Variants in SEMA4D observed in about 807,000 individuals in gnomAD.
SEMA4D encodes semaphorin 4D.
A neutral mutation model predicts 74.8 loss-of-function variants in SEMA4D; 22 were observed. The ratio of observed to expected loss-of-function variants is 0.29; its 90% CI spans 0.21 to 0.42. The LOEUF (loss-of-function observed/expected upper bound fraction) is 0.42. SEMA4D is among the 10% of genes least tolerant of loss of function. SEMA4D has a pLI of 1.00. For missense variants in SEMA4D, 937 were observed against 1,118.4 expected (o/e 0.84, Z 2.31); for synonymous variants, 445 against 463.7 (o/e 0.96, Z 0.52).
intron 1 of SEMA4D, among the ~76,000 whole-genome samples, chr9:89,465,579 T>G (rs559617713): frequency 1.3e-5 from 2 of 152,344 alleles, no homozygotes; most frequent in South Asian, 4.1e-4. Flanking sequence ...CTAACTGCCA[T>G]GGAACTATTC....
Position 89,387,371 on chromosome 9 carries a change from G to A in SEMA4D, c.1330+15C>T, listed in dbSNP as rs1838762186. The A allele has an allele frequency of 3.1e-6, 5 of 1,591,770 alleles. No homozygotes were observed. The highest frequency in any genetic ancestry group is 1.7e-5 in the Admixed American group (1 of 58,806). ...GTGCTGTCACTGTCAAGCCTGCCAA[G>A]CCCTCGGAACCCACCTGTGCTGACA... On this transcript the variant is annotated intron_variant, in intron 12 of 15. Coordinates refer to ENST00000422704, the MANE Select transcript of SEMA4D (RefSeq NM_001371194.2).
chr9:89,386,636 AG>A, intron 12 of SEMA4D, 154 bp from the exon 13 acceptor site: 1 of 582,538 alleles, frequency 1.7e-6, no homozygotes, highest in South Asian at 2.1e-5. Context: ...AAACAAAAAA[AG>A]GAAAAGGCTT....
At chr9:89,363,378 GC>G (rs1833053756) in intron 18 of SEMA4D, 11 of 1,596,242 alleles carry the variant, frequency 6.9e-6, no homozygotes, top group Admixed American at 1.7e-5. Flanking sequence ...TGTGGCAGGT[GC>G]CCTGCCCCTG....
intron 4 of SEMA4D, among the ~76,000 whole-genome samples, chr9:89,401,116 A>G (rs1411709546): frequency 7.9e-5 from 12 of 151,944 alleles, no homozygotes; most frequent in Admixed American, 2.0e-4. Context: ...CTGCAGTGGC[A>G]TGATCTCAGC....
intron 1 of SEMA4D, among the ~76,000 whole-genome samples, chr9:89,471,955 C>G (rs1165843506): frequency 6.6e-6 from 1 of 152,052 alleles, no homozygotes; most frequent in East Asian, 1.9e-4. Flanking sequence ...CACACCAACT[C>G]AGGTGCATAT....
chr9:89,385,329 G>C, intron 13 of SEMA4D: 7 of 985,374 alleles, frequency 7.1e-6, no homozygotes, highest in Non-Finnish European at 8.4e-6. Flanking sequence ...ACATTTTAGA[G>C]ATGTTGTAGG....
intron 8 of SEMA4D, among the ~76,000 whole-genome samples, chr9:89,392,138 A>C (rs1449100535): frequency 6.6e-6 from 1 of 152,218 alleles, no homozygotes; most frequent in East Asian, 1.9e-4. Flanking sequence ...GTCTTAGTTT[A>C]CCATCTACTA....
intron 13 of SEMA4D, among the ~76,000 whole-genome samples, chr9:89,382,684 G>A (rs928369455): frequency 3.9e-5 from 6 of 152,226 alleles, no homozygotes; most frequent in African/African-American, 1.4e-4. Flanking sequence ...CGGGCATCGC[G>A]CGGCTTGTGG....
At chr9:89,368,425 G>C (rs1588084394) in intron 16 of SEMA4D, 1 of 152,998 alleles carries the variant, frequency 6.5e-6, no homozygotes, top group Admixed American at 6.5e-5. Context: ...GCCCATCTCT[G>C]TGCTCTCTCC....
At chr9:89,427,631 C>A (rs570851776) in intron 2 of SEMA4D, among the ~76,000 whole-genome samples, 16 of 152,224 alleles carry the variant, frequency 1.1e-4, no homozygotes, top group South Asian at 6.2e-4. Flanking sequence ...CTCCACCCCC[C>A]GGTCAGCAGC....
At chr9:89,454,661 T>C (rs1855500242) in intron 2 of SEMA4D, among the ~76,000 whole-genome samples, 1 of 152,014 alleles carries the variant, frequency 6.6e-6, no homozygotes, top group Non-Finnish European at 1.5e-5. Context: ...CCAGTGAGAG[T>C]GTCAAACCGC....
intron 2 of SEMA4D, chr9:89,450,686 A>AAAAAAAAAAAAAAAAAAAACC: frequency 1.1e-6 from 1 of 945,104 alleles, no homozygotes; most frequent in Non-Finnish European, 1.6e-6. Flanking sequence ...AAAAAAAAAA[A>AAAAAAAAAAAAAAAAAAAACC]AGGCCTCCAA....
intron 2 of SEMA4D, among the ~76,000 whole-genome samples, chr9:89,435,638 C>G (rs550779632): frequency 6.2e-4 from 94 of 152,322 alleles, no homozygotes; most frequent in African/African-American, 2.2e-3. Context: ...CCACCCAGGT[C>G]TCTGTGTCAG....
rs141544963 is a variant in SEMA4D, at chr9:89,404,290, G to A, written c.106+1061C>T. 8.5e-3 allele frequency among the ~76,000 whole-genome samples: 1,295 copies of A among 152,362 alleles called. 14 individuals are homozygous for A. Among genetic ancestry groups the A allele is most frequent in the African/African-American group, 0.029 (1,206 of 41,574 alleles). ...GGAGCAGACGCTCAGTGGGGCGGGT[G>A]CTTTGGCAGCACGCCGCGAACATTA... On this transcript the variant is annotated intron_variant, in intron 3 of 15. Coordinates refer to ENST00000422704, the MANE Select transcript of SEMA4D (RefSeq NM_001371194.2).
intron 1 of SEMA4D, among the ~76,000 whole-genome samples, chr9:89,458,120 C>A (rs73488260): frequency 3.8e-4 from 58 of 152,294 alleles, no homozygotes; most frequent in African/African-American, 1.2e-3. Flanking sequence ...AATAAAAAGG[C>A]AGGCTGTGGA....
At chr9:89,438,361 C>G (rs1194140294) in intron 2 of SEMA4D, among the ~76,000 whole-genome samples, 1 of 152,226 alleles carries the variant, frequency 6.6e-6, no homozygotes, top group Non-Finnish European at 1.5e-5. Context: ...GGGTGGAGCA[C>G]CTCCCATGGC....
chr9:89,424,356 T>G (rs1847661350), intron 2 of SEMA4D, among the ~76,000 whole-genome samples: 1 of 152,122 alleles, frequency 6.6e-6, no homozygotes, highest in African/African-American at 2.4e-5. Context: ...CAGGGGCAAA[T>G]AGGTTTTCCT....
downstream of SEMA4D, among the ~76,000 whole-genome samples, chr9:89,373,683 G>A (rs1835417508): frequency 1.3e-5 from 2 of 152,320 alleles, no homozygotes; most frequent in South Asian, 4.1e-4. Flanking sequence ...TTATAGCAAA[G>A]AAAAACCCAG....
At chr9:89,480,786 C>T (rs1350320154) in intron 1 of SEMA4D, among the ~76,000 whole-genome samples, 2 of 152,240 alleles carry the variant, frequency 1.3e-5, no homozygotes, top group African/African-American at 4.8e-5. Context: ...CCCCTGTTCC[C>T]GCTCCTGCCT....
Sources: gnomAD v4.1 joint callset for allele counts (sites outside exome capture counted in the v4.1 genomes callset) on GRCh38, gnomAD v4.1.1 for gene constraint, MANE v1.5 for transcripts, NCBI Gene and HGNC (gene_info 2026-07-23, HGNC 2026-07-21) for gene names.